The following FRYL variants were observed in gnomAD, a reference collection of about 807,000 sequenced individuals.
FRYL encodes the protein protein furry homolog-like.
A neutral mutation model predicts 351.2 loss-of-function variants in FRYL; 150 were observed. The observed-to-expected ratio is 0.43, with a 90% CI of 0.37 to 0.49. FRYL has a LOEUF of 0.49. Ranked by LOEUF, FRYL falls within the 20% of genes least tolerant of loss-of-function variation. The pLI is 0.00. For synonymous variants in FRYL, 1,153 were observed against 1,257.1 expected (o/e 0.92, Z 1.75); for missense variants, 3,036 against 3,619.3 (o/e 0.84, Z 4.13).
intron 4 of FRYL, among the ~76,000 whole-genome samples, chr4:48,632,096 A>ATG (rs1753217679): frequency 3.1e-4 from 5 of 16,230 alleles, no homozygotes; most frequent in Admixed American, 1.3e-3. Context: ...AAAAAAATAT[A>ATG]TATATATATA....
intron 10 of FRYL, 37 bp downstream of exon 10, chr4:48,606,401 G>C: frequency 2.1e-6 from 3 of 1,408,046 alleles, no homozygotes; most frequent in South Asian, 1.3e-5. Flanking sequence ...GGACTGTTAG[G>C]CTTGCTCTAT....
intron 1 of FRYL, among the ~76,000 whole-genome samples, chr4:48,733,199 C>T (rs891841901): frequency 6.6e-5 from 10 of 151,368 alleles, no homozygotes; most frequent in African/African-American, 9.7e-5. Flanking sequence ...TGCTTGTACT[C>T]GGGAGGTGGA....
Position 48,525,163 on chromosome 4 carries a change from G to GTATA in FRYL, c.7318-2063_7318-2060dup, listed in dbSNP as rs57457069. On this transcript the variant is annotated intron_variant, in intron 53 of 63. Transcript: ENST00000358350. Reference sequence around the variant, plus strand: ...ATTCTTGCAACTTTTATTTTTAAAGGTATATATATATATATATATATATAT... The same window carrying GTATA: ...ATTCTTGCAACTTTTATTTTTAAAGGTATATATATATATATATATATATATATAT... 1.4e-3 allele frequency among the ~76,000 whole-genome samples: 199 copies of GTATA among 139,888 alleles called. 2 individuals carry two copies. The highest frequency in any genetic ancestry group is 4.8e-3 in the African/African-American group (169 of 35,278). The allele number at this position is 139,888 out of a possible 152,430, so 91.8% of individuals were successfully genotyped here. A position where few individuals can be genotyped will look rare whatever the true frequency, so the allele number is the denominator to read the frequency against.
chr4:48,604,776 A>T (rs534842325), intron 11 of FRYL, among the ~76,000 whole-genome samples: 1 of 152,326 alleles, frequency 6.6e-6, no homozygotes, highest in African/African-American at 2.4e-5. Flanking sequence ...AGGCTAATAA[A>T]CCTGGACACA....
intron 42 of FRYL, 139 bp from the exon 43 acceptor site, chr4:48,545,043 G>T: frequency 2.7e-6 from 2 of 749,988 alleles, no homozygotes; most frequent in South Asian, 2.7e-5. Context: ...TACTACTTAG[G>T]CACATGAATA....
chr4:48,764,799 C>T (rs1306191284), intron 1 of FRYL, among the ~76,000 whole-genome samples: 2 of 152,172 alleles, frequency 1.3e-5, no homozygotes, highest in Admixed American at 6.6e-5. Context: ...AGATTTGGGG[C>T]AATCCCTATC....
rs769779740 is a variant in FRYL at position 48,557,065 on chromosome 4, T to C, written c.4179A>G (p.Ala1393=). 1.9e-6 allele frequency: 3 copies of C among 1,608,490 alleles called. No individual in the cohort carries two copies. The highest frequency in any genetic ancestry group is 4.5e-5 in the East Asian group (2 of 44,786). ...SEVENVWTTL[A]DGWPKNLKII... is the part of the protein sequence containing the mutation. ...TTTTCAGGTTTTTGGGCCAGCCATC[T>C]GCAAGTGTGGTCCACACATTCTCCA... Residue 1393 remains alanine (A), a synonymous_variant, in exon 35 of 64, where the codon GCA becomes GCG. Coordinates refer to ENST00000358350, the MANE Select transcript of FRYL (RefSeq NM_015030.2).
intron 2 of FRYL, among the ~76,000 whole-genome samples, chr4:48,703,230 A>T (rs1211798795): frequency 6.6e-6 from 1 of 152,254 alleles, no homozygotes; most frequent in Non-Finnish European, 1.5e-5. Context: ...AATAGGGACT[A>T]AGACAGTATG....
intron 5 of FRYL, among the ~76,000 whole-genome samples, chr4:48,622,091 T>C (rs1352667948): frequency 1.3e-5 from 2 of 152,170 alleles, no homozygotes; most frequent in African/African-American, 4.8e-5. Context: ...GAGCTTTTTA[T>C]TGTGAGCACC....
chr4:48,533,802 TC>T (rs1728251891), intron 49 of FRYL, among the ~76,000 whole-genome samples: 1 of 152,208 alleles, frequency 6.6e-6, no homozygotes, highest in Non-Finnish European at 1.5e-5. Context: ...TTTCTAAATA[TC>T]TGGCACTTTT....
Position 48,567,624 on chromosome 4 carries a change from T to C in FRYL, c.2997-204A>G, listed in dbSNP as rs1239847093. Among the ~76,000 whole-genome samples the C allele has an allele frequency of 6.6e-6, 1 of 152,244 alleles. No homozygotes were observed. Among genetic ancestry groups the C allele is most frequent in the Non-Finnish European group, 1.5e-5 (1 of 68,048 alleles). On this transcript the variant is annotated intron_variant, in intron 27 of 63. Transcript: ENST00000358350. This position sits in a 1 kb window ranked among gnomAD's most constrained non-coding sequence, Gnocchi z 4.2. ...TGGTGCTTCTTAATCTAGGAACTGCTATTGCAATTTATATTATTCAACTCC... is the reference window on the plus strand; with the variant it reads ...TGGTGCTTCTTAATCTAGGAACTGCCATTGCAATTTATATTATTCAACTCC...
chr4:48,554,271 T>A (rs1370911217), intron 35 of FRYL, among the ~76,000 whole-genome samples: 1 of 152,088 alleles, frequency 6.6e-6, no homozygotes, highest in Non-Finnish European at 1.5e-5. Context: ...TTTACAGACA[T>A]ATGAAAAGCA....
At chr4:48,582,860 C>A in intron 19 of FRYL, 126 bp from the exon 20 acceptor site, 1 of 682,800 alleles carries the variant, frequency 1.5e-6, no homozygotes, top group Non-Finnish European at 2.6e-6. Context: ...ATGAAGATAG[C>A]AACCAATGAT....
At chr4:48,623,049 T>C (rs1001411843) in intron 5 of FRYL, 77 bp downstream of exon 5, 3 of 808,314 alleles carry the variant, frequency 3.7e-6, no homozygotes, top group African/African-American at 1.8e-5. Context: ...TTCCTTAATA[T>C]TGAATACATT....
chr4:48,562,650 A>G (rs977617761), intron 32 of FRYL, among the ~76,000 whole-genome samples: 1 of 152,210 alleles, frequency 6.6e-6, no homozygotes, highest in Admixed American at 6.5e-5. Flanking sequence ...ACATACACAC[A>G]CATTATCATA....
chr4:48,550,505 A>C, intron 38 of FRYL, 87 bp downstream of exon 38: 2 of 818,630 alleles, frequency 2.4e-6, no homozygotes, highest in East Asian at 5.4e-5. Context: ...AAAACAATTT[A>C]CTGAAAATAT....
intron 3 of FRYL, among the ~76,000 whole-genome samples, chr4:48,658,443 AAG>A (rs1196478017): frequency 6.6e-6 from 1 of 152,004 alleles, no homozygotes; most frequent in Non-Finnish European, 1.5e-5. Context: ...AAGAGACTGA[AAG>A]GTTTTAGGTA....
intron 59 of FRYL, among the ~76,000 whole-genome samples, chr4:48,507,739 C>T (rs1196090611): frequency 6.6e-6 from 1 of 151,880 alleles, no homozygotes; most frequent in Non-Finnish European, 1.5e-5. Flanking sequence ...ATAGATAGAT[C>T]GTGAGATATT....
intron 24 of FRYL, among the ~76,000 whole-genome samples, 155 bp from the exon 25 acceptor site, chr4:48,575,396 A>G (rs937241671): frequency 2.0e-5 from 3 of 152,220 alleles, no homozygotes; most frequent in African/African-American, 7.2e-5. Flanking sequence ...TACATAACTT[A>G]AAAGGTTAAA....
Sources: allele counts gnomAD v4.1 joint callset (sites outside exome capture counted in the v4.1 genomes callset), GRCh38; gene constraint gnomAD v4.1.1; non-coding constraint Gnocchi (gnomAD v3.1); transcripts MANE v1.5; gene names NCBI Gene and HGNC (gene_info 2026-07-23, HGNC 2026-07-21).